The following NPEPPS variants were observed in gnomAD, a reference collection of about 807,000 sequenced individuals.
NPEPPS encodes aminopeptidase puromycin sensitive.
A neutral mutation model predicts 115.5 loss-of-function variants in NPEPPS; 14 were observed. The observed-to-expected ratio is 0.12, with a 90% confidence interval of 0.08 to 0.19. The LOEUF (loss-of-function observed/expected upper bound fraction) is 0.19, where lower values mean the gene tolerates loss of function less well. Ranked by LOEUF, NPEPPS falls within the 10% of genes least tolerant of loss-of-function variation. The pLI, the probability that NPEPPS is intolerant of heterozygous loss-of-function variation, is 1.00. For missense variants in NPEPPS, 523 were observed against 1,110.8 expected (o/e 0.47, Z 7.52); for synonymous variants, 285 against 390.6 (o/e 0.73, Z 3.19).
At chr17:47,533,201 G>T (rs1200349849) in intron 1 of NPEPPS, among the ~76,000 whole-genome samples, 1 of 152,196 alleles carries the variant, frequency 6.6e-6, no homozygotes, top group African/African-American at 2.4e-5. Context: ...TTGGAGCACT[G>T]GTGTGAAAGC....
rs374293859 is a variant in NPEPPS, at chr17:47,607,062, G to T, written c.2095+1510G>T. ...ACAAAAATTAGCCAGGTGTGGTGGC[G>T]GGTGCCTCTCATCTTAGCTACTCGG... On this transcript the variant is annotated intron_variant, in intron 17 of 22. Coordinates refer to ENST00000322157, the MANE Select transcript of NPEPPS (RefSeq NM_006310.4). Among the ~76,000 whole-genome samples the T allele has an allele frequency of 2.6e-5, 4 of 152,028 alleles. No homozygotes were observed. The East Asian group carries it at 5.8e-4, about 22-fold the overall frequency.
Position 47,554,238 on chromosome 17 carries a change from C to T in NPEPPS, c.340+8245C>T, listed in dbSNP as rs1410764090. Among the ~76,000 whole-genome samples, 4 of 152,040 alleles carry T rather than the reference C, an allele frequency of 2.6e-5. No individual in the cohort carries two copies. In the East Asian group the frequency reaches 7.7e-4, roughly 29 times the overall value. ...TATTTTTAGTAGGGACAGGGTTTCT[C>T]CATGTTGGTCAGGCTGGTCTCAAAC... On this transcript the variant is annotated intron_variant, in intron 2 of 22. Coordinates refer to ENST00000322157, the MANE Select transcript of NPEPPS (RefSeq NM_006310.4).
At chr17:47,524,557 C>T (rs1271283000) in intron 1 of NPEPPS, among the ~76,000 whole-genome samples, 4 of 151,578 alleles carry the variant, frequency 2.6e-5, no homozygotes, top group East Asian at 2.0e-4. Flanking sequence ...TGCAGTGGCG[C>T]GATCTTGGCT....
chr17:47,621,745 C>CA (rs1439142206), intron 22 of NPEPPS, 23 bp from the exon 23 acceptor site: 1 of 1,584,992 alleles, frequency 6.3e-7, no homozygotes, highest in South Asian at 1.1e-5. Flanking sequence ...AATGATCCTG[C>CA]ATTCTGGGTT....
At chr17:47,547,207 A>T (rs1387280219) in intron 2 of NPEPPS, among the ~76,000 whole-genome samples, 3 of 152,188 alleles carry the variant, frequency 2.0e-5, no homozygotes, top group Non-Finnish European at 4.4e-5. Flanking sequence ...TAAAATGAGA[A>T]CTGTTTTAGA....
chr17:47,616,224 A>G (rs1914189905), intron 19 of NPEPPS, among the ~76,000 whole-genome samples: 1 of 152,142 alleles, frequency 6.6e-6, no homozygotes. Context: ...TAGAACCCAG[A>G]TCTCCCAAGG....
intron 9 of NPEPPS, among the ~76,000 whole-genome samples, chr17:47,589,325 G>A (rs934303980): frequency 5.9e-5 from 9 of 151,886 alleles, no homozygotes; most frequent in Admixed American, 5.9e-4. Context: ...GCACAATCAT[G>A]GGTCAGTGCA....
intron 20 of NPEPPS, 149 bp downstream of exon 20, chr17:47,618,606 TTC>T: frequency 1.6e-6 from 1 of 613,698 alleles, no homozygotes. Context: ...TGTTACTGAC[TTC>T]TGTTTTTCTC....
intron 14 of NPEPPS, among the ~76,000 whole-genome samples, chr17:47,601,379 A>C (rs1174440107): frequency 1.3e-5 from 2 of 152,086 alleles, no homozygotes; most frequent in African/African-American, 4.8e-5. Context: ...TCTACAAGTG[A>C]GTTAACTGTT....
At chr17:47,556,252 T>A (rs1421063463) in intron 2 of NPEPPS, among the ~76,000 whole-genome samples, 1 of 151,490 alleles carries the variant, frequency 6.6e-6, no homozygotes, top group African/African-American at 2.4e-5. Context: ...TTTGTGTCCC[T>A]GGGTACTTGA....
chr17:47,539,809 A>T (rs1231878107), intron 1 of NPEPPS, among the ~76,000 whole-genome samples: 1 of 152,102 alleles, frequency 6.6e-6, no homozygotes, highest in Non-Finnish European at 1.5e-5. Context: ...GAGTTTACTA[A>T]TTATCTGCTT....
At chr17:47,544,936 C>T (rs1909088391) in intron 1 of NPEPPS, among the ~76,000 whole-genome samples, 1 of 149,314 alleles carries the variant, frequency 6.7e-6, no homozygotes, top group South Asian at 2.2e-4. Flanking sequence ...AACTCCTGAC[C>T]TCAAGTGATC....
At chr17:47,554,297 C>T (rs144733960) in intron 2 of NPEPPS, among the ~76,000 whole-genome samples, 1,626 of 152,204 alleles carry the variant, frequency 0.011, 10 homozygotes, top group Admixed American at 0.016. Context: ...CCCTCAGCCT[C>T]GTAAAGTGTT....
chr17:47,599,856 C>T (rs1045485976), intron 14 of NPEPPS, 117 bp downstream of exon 14: 31 of 814,430 alleles, frequency 3.8e-5, no homozygotes, highest in Admixed American at 1.5e-4. Flanking sequence ...CTCACTCTGT[C>T]GCCCAGGCTC....
chr17:47,532,434 C>T (rs1475775518), intron 1 of NPEPPS, among the ~76,000 whole-genome samples: 4 of 151,942 alleles, frequency 2.6e-5, no homozygotes, highest in Non-Finnish European at 5.9e-5. Flanking sequence ...GGCGGGCGCA[C>T]TTGAGGTCAG....
At chr17:47,602,637 C>CA (rs753076891) in intron 15 of NPEPPS, among the ~76,000 whole-genome samples, 3,563 of 51,088 alleles carry the variant, frequency 0.07, 97 homozygotes, top group African/African-American at 0.1. Context: ...GACGCCATCT[C>CA]AAAAAAAAAA....
intron 17 of NPEPPS, among the ~76,000 whole-genome samples, chr17:47,608,918 T>C (rs994451174): frequency 6.6e-6 from 1 of 152,124 alleles, no homozygotes; most frequent in African/African-American, 2.4e-5. Flanking sequence ...TGTGGAGTAG[T>C]GGGGAACAAT....
In NPEPPS at chr17:47,567,526, G is replaced by A. The variant is rs2610355; in HGVS notation, c.341-1891G>A. Among the ~76,000 whole-genome samples the A allele has an allele frequency of 1.1e-3, 166 of 152,114 alleles. 1 individual carries two copies. Among genetic ancestry groups the A allele is most frequent in the Middle Eastern group, 3.4e-3 (1 of 294 alleles). On this transcript the variant is annotated intron_variant, in intron 2 of 22. Coordinates refer to ENST00000322157, the MANE Select transcript of NPEPPS (RefSeq NM_006310.4). ...TTCTGTAGTACTTTCCTTTCTCCCC[G>A]CCTCAATAATAGCTTTATTGATGTA...
chr17:47,621,905 A>G lies in NPEPPS; in HGVS notation c.2745A>G (p.Ser915=), dbSNP rs775827577. ...IHQYLLQRKA[S]PPTV is the part of the protein sequence containing the mutation. ...AGTACCTCCTTCAGCGGAAGGCCTC[A>G]CCACCCACAGTGTGAATCCTGAGGT... Residue 915 remains serine, a synonymous_variant, in exon 23 of 23, where the codon TCA becomes TCG. Transcript: ENST00000322157. 4.3e-6 allele frequency: 7 copies of G among 1,612,368 alleles called. No homozygotes were observed. The highest frequency in any genetic ancestry group is 5.9e-6 in the Non-Finnish European group (7 of 1,179,178).
Sources: gnomAD v4.1 joint callset for allele counts (sites outside exome capture counted in the v4.1 genomes callset) on GRCh38, gnomAD v4.1.1 for gene constraint, MANE v1.5 for transcripts, NCBI Gene and HGNC (gene_info 2026-07-23, HGNC 2026-07-21) for gene names.